CDH12: variants seen among roughly 807,000 people sequenced by gnomAD.
CDH12 encodes cadherin-12.
CDH12 carries 41 observed loss-of-function variants against 74.1 expected under a neutral mutation model. That is an observed-to-expected ratio of 0.55 (90% CI 0.43 to 0.72). The LOEUF (loss-of-function observed/expected upper bound fraction) is 0.72. Among genes scored for constraint, CDH12 ranks in the 30% least tolerant of loss-of-function variants. CDH12 has a pLI of 0.00. For missense variants in CDH12, 945 were observed against 977.2 expected (o/e 0.97, Z 0.44); for synonymous variants, 399 against 355.0 (o/e 1.12, Z -1.39).
intron 1 of CDH12, among the ~76,000 whole-genome samples, chr5:22,679,941 T>C (rs554635017): frequency 6.6e-6 from 1 of 152,256 alleles, no homozygotes; most frequent in Admixed American, 6.6e-5. Flanking sequence ...ATCACATGTC[T>C]GTACACGTTC....
intron 3 of CDH12, among the ~76,000 whole-genome samples, chr5:22,221,402 T>C (rs1239654931): frequency 6.6e-6 from 1 of 151,898 alleles, no homozygotes; most frequent in East Asian, 1.9e-4. Flanking sequence ...TATTATTCTA[T>C]CTGTAAATGT....
intron 3 of CDH12, among the ~76,000 whole-genome samples, chr5:22,258,789 C>G (rs1753409838): frequency 6.6e-6 from 1 of 152,076 alleles, no homozygotes; most frequent in Admixed American, 6.6e-5. Flanking sequence ...GATTTGGAGA[C>G]TAGGAGCAAT....
At chr5:22,365,707 C>T (rs1446180701) in intron 3 of CDH12, among the ~76,000 whole-genome samples, 1 of 152,166 alleles carries the variant, frequency 6.6e-6, no homozygotes, top group Non-Finnish European at 1.5e-5. Context: ...AACTCAACAA[C>T]TCTTTGTAGC....
chr5:22,627,462 A>T (rs1738359191), intron 1 of CDH12, among the ~76,000 whole-genome samples: 1 of 151,734 alleles, frequency 6.6e-6, no homozygotes. Context: ...AAAAAAAGAA[A>T]CTCTGATCAA....
intron 4 of CDH12, among the ~76,000 whole-genome samples, chr5:22,180,860 T>C (rs1749607198): frequency 6.6e-6 from 1 of 152,264 alleles, no homozygotes; most frequent in East Asian, 1.9e-4. Flanking sequence ...AATCTATAAT[T>C]GTTTATGACT....
intron 4 of CDH12, among the ~76,000 whole-genome samples, chr5:22,204,463 AT>A (rs1751109281): frequency 6.6e-6 from 1 of 152,152 alleles, no homozygotes; most frequent in Non-Finnish European, 1.5e-5. Flanking sequence ...GCCCAGCCCA[AT>A]TCACATGTAT....
At chr5:22,099,189 C>T (rs937689687) in intron 4 of CDH12, among the ~76,000 whole-genome samples, 11 of 152,188 alleles carry the variant, frequency 7.2e-5, no homozygotes, top group African/African-American at 2.4e-4. Context: ...TCATTTCTTC[C>T]CTTCTCTCAG....
chr5:22,802,830 T>A (rs1421854940), intron 1 of CDH12, among the ~76,000 whole-genome samples: 1 of 152,182 alleles, frequency 6.6e-6, no homozygotes, highest in Non-Finnish European at 1.5e-5. Context: ...CTCTAAGCAA[T>A]CTGTTGAGAG....
intron 6 of CDH12, among the ~76,000 whole-genome samples, chr5:21,885,740 C>T (rs774495307): frequency 4.6e-5 from 7 of 152,094 alleles, no homozygotes; most frequent in Non-Finnish European, 1.0e-4. Flanking sequence ...TTCTTGTTTG[C>T]ACCCTATTTG....
intron 3 of CDH12, among the ~76,000 whole-genome samples, chr5:22,381,556 G>C (rs926491412): frequency 6.7e-6 from 1 of 149,842 alleles, no homozygotes; most frequent in Admixed American, 6.7e-5. Context: ...TTCTATTATT[G>C]AGTCTCTTAC....
At chr5:22,192,172 G>C (rs1750347016) in intron 4 of CDH12, among the ~76,000 whole-genome samples, 1 of 152,044 alleles carries the variant, frequency 6.6e-6, no homozygotes, top group African/African-American at 2.4e-5. Flanking sequence ...GGCCTCAAGT[G>C]ATCTGCCTGC....
chr5:22,185,255 G>A (rs1749873604), intron 4 of CDH12, among the ~76,000 whole-genome samples: 1 of 147,598 alleles, frequency 6.8e-6, no homozygotes. Context: ...CTGGCGTGCA[G>A]TGGTGCAATC....
At chr5:22,293,155 C>T (rs1323433432) in intron 3 of CDH12, among the ~76,000 whole-genome samples, 2 of 152,112 alleles carry the variant, frequency 1.3e-5, no homozygotes, top group Non-Finnish European at 2.9e-5. Flanking sequence ...TGCTGTAGCC[C>T]CTACCCCTGC....
intron 1 of CDH12, among the ~76,000 whole-genome samples, chr5:22,572,896 T>C (rs1486280518): frequency 6.6e-6 from 1 of 152,206 alleles, no homozygotes; most frequent in Non-Finnish European, 1.5e-5. Context: ...ACAACTGTTT[T>C]ACATCCTTCA....
intron 2 of CDH12, among the ~76,000 whole-genome samples, chr5:22,463,285 A>G (rs1440894233): frequency 1.3e-5 from 2 of 152,184 alleles, no homozygotes; most frequent in African/African-American, 4.8e-5. Context: ...CAACGTACAT[A>G]TGAAACAATC....
rs142323273 is a variant in CDH12, at chr5:21,934,848, G to A, written c.526+40243C>T. On this transcript the variant is annotated intron_variant, in intron 6 of 14. Transcript: ENST00000382254. ...GTCACCCAGGCTGGAGTGCAGTGGC[G>A]CGATCTTGGCTCATTGCAAGCTCCG... Among the ~76,000 whole-genome samples, 92 of 151,688 alleles carry A rather than the reference G, an allele frequency of 6.1e-4. 1 individual carries two copies. In the East Asian group the frequency reaches 0.017, roughly 27 times the overall value.
At chr5:22,528,145 T>C (rs1737373267) in intron 1 of CDH12, among the ~76,000 whole-genome samples, 1 of 152,156 alleles carries the variant, frequency 6.6e-6, no homozygotes, top group Admixed American at 6.6e-5. Flanking sequence ...AGAAGGATGG[T>C]CATAGCCTGT....
chr5:22,754,179 G>T (rs1183177610), intron 1 of CDH12, among the ~76,000 whole-genome samples: 2 of 152,134 alleles, frequency 1.3e-5, no homozygotes, highest in African/African-American at 2.4e-5. Flanking sequence ...AATTGAATCA[G>T]TAAAAAATAC....
intron 1 of CDH12, among the ~76,000 whole-genome samples, chr5:22,838,710 CTGT>C (rs1736950272): frequency 6.6e-6 from 1 of 150,986 alleles, no homozygotes; most frequent in Non-Finnish European, 1.5e-5. Context: ...AGGTCTCACT[CTGT>C]TGTCAGGTTG....
Sources: gnomAD v4.1 joint callset for allele counts (sites outside exome capture counted in the v4.1 genomes callset) on GRCh38, gnomAD v4.1.1 for gene constraint, MANE v1.5 for transcripts, NCBI Gene and HGNC (gene_info 2026-07-23, HGNC 2026-07-21) for gene names.